Variants in NAA40 observed in about 807,000 individuals in gnomAD.
The protein encoded by NAA40 is N-alpha-acetyltransferase 40, NatD catalytic subunit, also known as N-alpha-acetyltransferase 40.
In NAA40, 26 loss-of-function variants were observed where a neutral mutation model predicts 36.6. That is an observed-to-expected ratio of 0.71 (90% CI 0.52 to 0.98). NAA40 has a LOEUF of 0.98. Among genes scored for constraint, NAA40 ranks in the 50% least tolerant of loss-of-function variants. The pLI, the probability that NAA40 is intolerant of heterozygous loss-of-function variation, is 0.00. For missense variants in NAA40, 237 were observed against 306.5 expected, an observed-to-expected ratio of 0.77 and a Z score of 1.69; for synonymous variants, 129 against 108.4, an observed-to-expected ratio of 1.19 and a Z score of -1.18.
intron 3 of NAA40, among the ~76,000 whole-genome samples, chr11:63,947,264 T>G (rs565249687): frequency 6.6e-6 from 1 of 151,934 alleles, no homozygotes; most frequent in Non-Finnish European, 1.5e-5. Context: ...AAAAATTAGC[T>G]GGCACGGTGG....
At chr11:63,950,122 G>GT (rs10708670) in intron 3 of NAA40, among the ~76,000 whole-genome samples, 19,831 of 129,148 alleles carry the variant, frequency 0.15, 3,471 homozygotes, top group African/African-American at 0.43. Context: ...GGTTTTTTTT[G>GT]TTTTTTTTTT....
In NAA40 at chr11:63,957,104, A is replaced by AT. The variant is rs1401682930; in HGVS notation, c.*2630dup. The AT allele has an allele frequency of 1.3e-5, 2 of 149,878 alleles. No individual in the cohort carries two copies. Among genetic ancestry groups the AT allele is most frequent in the African/African-American group, 2.5e-5 (1 of 40,606 alleles). The allele number at this position is 149,878 out of a possible 1,614,324, so 9.3% of individuals were successfully genotyped here. On this transcript the variant is annotated 3_prime_UTR_variant, in exon 8 of 8. Transcript: ENST00000377793. The stretch of plus-strand genomic sequence containing the variant: ...AGTTATATCCACCCTATTTCAGGTT[A>AT]TTTTTGTTGGTGTCAAGTATGTATA...
At chr11:63,943,560 C>CAGA (rs1942140501) in intron 1 of NAA40, among the ~76,000 whole-genome samples, 1 of 152,184 alleles carries the variant, frequency 6.6e-6, no homozygotes, top group Non-Finnish European at 1.5e-5. Context: ...TTGAGTCTCC[C>CAGA]CTCTGCCCTT....
chr11:63,954,355 C>T lies in NAA40; in HGVS notation c.590C>T (p.Ser197Phe). 6.3e-7 allele frequency: 1 copy of T among 1,598,896 alleles called. No homozygotes were observed. Among genetic ancestry groups the T allele is most frequent in the Non-Finnish European group, 8.5e-7 (1 of 1,173,568 alleles). ...REALQFEIDD[S>F]SPSMSGCCGE... ...CCTTGCAGATTTGAAATTGATGACT[C>T]TTCCCCCAGCATGTCCGGTTGCTGT... is the stretch of plus-strand genomic sequence containing the variant. The change falls in exon 8 of 8, where the codon TCT becomes TTT. Residue 197 changes from serine to phenylalanine, a missense_variant. Ser to Phe is a radical substitution (Grantham distance 155). Coordinates refer to ENST00000377793, the MANE Select transcript of NAA40 (RefSeq NM_024771.4).
At chr11:63,944,917 A>AG (rs1942162073) in intron 1 of NAA40, among the ~76,000 whole-genome samples, 1 of 151,078 alleles carries the variant, frequency 6.6e-6, no homozygotes, top group Non-Finnish European at 1.5e-5. Flanking sequence ...AAAAAAAAAA[A>AG]AGAAGAGAAA....
At position 63,956,691 on chromosome 11, in the gene NAA40, A is replaced by G. The variant is rs1360302551; in HGVS notation, c.*2212A>G. ...GTCTTGGTTTTGAGAAACAGCAGGC[A>G]TGGCTGAGTGCGGTGGCTTACACCT... On this transcript the variant is annotated 3_prime_UTR_variant, in exon 8 of 8. Transcript: ENST00000377793. The G allele has an allele frequency of 6.5e-6, 1 of 152,678 alleles. No homozygotes were observed. Among genetic ancestry groups the G allele is most frequent in the Non-Finnish European group, 1.5e-5 (1 of 68,118 alleles). The allele number at this position is 152,678 out of a possible 1,614,324, so 9.5% of individuals were successfully genotyped here.
Position 63,954,465 on chromosome 11 carries a change from G to C in NAA40, c.700G>C (p.Gly234Arg). ...HHSHAGGHCG[G>R]CCH ...CTCCCACGCGGGTGGGCACTGTGGT[G>C]GCTGCTGCCACTGAACTCTCAGAGC... Residue 234 changes from glycine (G) to arginine (R), a missense_variant, in exon 8 of 8, where the codon GGC becomes CGC. Physicochemically the swap from Gly to Arg is moderately radical, Grantham distance 125. Coordinates refer to ENST00000377793, the MANE Select transcript of NAA40 (RefSeq NM_024771.4). 1 of 1,599,886 alleles carries C rather than the reference G, an allele frequency of 6.3e-7. No individual in the cohort carries two copies. The highest frequency in any genetic ancestry group is 8.5e-7 in the Non-Finnish European group (1 of 1,174,474).
chr11:63,939,558 C>T (rs940948139), intron 1 of NAA40: 2 of 933,796 alleles, frequency 2.1e-6, no homozygotes, highest in African/African-American at 3.6e-5. Context: ...GGGCGTCAGA[C>T]CCCACCTTGG....
rs1401679962 is a variant in NAA40 at position 63,957,011 on chromosome 11, C to T, written c.*2532C>T. ...AGAGAAACATAGCAGGCCTTTTTTACCAGGCTTTTTGTGTTTTGTTTGTTT... is the reference window on the plus strand; with the variant it reads ...AGAGAAACATAGCAGGCCTTTTTTATCAGGCTTTTTGTGTTTTGTTTGTTT... On this transcript the variant is annotated 3_prime_UTR_variant, in exon 8 of 8. Transcript: ENST00000377793. The T allele has an allele frequency of 6.6e-6, 1 of 151,194 alleles. No individual in the cohort carries two copies. The highest frequency in any genetic ancestry group is 1.5e-5 in the Non-Finnish European group (1 of 67,854). 9.4% of individuals were successfully genotyped at this position (151,194 alleles called of 1,614,324 possible).
At chr11:63,951,702 C>T (rs1410431425) in intron 3 of NAA40, among the ~76,000 whole-genome samples, 1 of 152,094 alleles carries the variant, frequency 6.6e-6, no homozygotes, top group Non-Finnish European at 1.5e-5. Context: ...AGGCAGGACT[C>T]CTGGGGCGGG....
chr11:63,939,126 T>C, intron 1 of NAA40, 24 bp downstream of exon 1: 1 of 1,603,214 alleles, frequency 6.2e-7, no homozygotes, highest in Non-Finnish European at 8.5e-7. Context: ...AGAGAGGAGA[T>C]GGGAGGTCCA....
Position 63,953,878 on chromosome 11 carries a change from C to T in NAA40, c.495-94C>T, listed in dbSNP as rs1942319772. ...CTCCTGGGCTCAAATGATCCTCCCA[C>T]CTTTGCCCCTCAAAGTGCTGGGATT... is the stretch of plus-strand genomic sequence containing the variant. On this transcript the variant is annotated intron_variant, in intron 6 of 7. Transcript: ENST00000377793. The T allele has an allele frequency of 2.8e-6, 3 of 1,061,934 alleles. No homozygotes were observed. The Admixed American group carries it at 5.4e-5, about 19-fold the overall frequency. 65.8% of individuals were successfully genotyped at this position (1,061,934 alleles called of 1,614,324 possible). A position where few individuals can be genotyped will look rare whatever the true frequency, so the allele number is the denominator to read the frequency against.
intron 2 of NAA40, chr11:63,946,727 G>T: frequency 6.6e-7 from 1 of 1,523,888 alleles, no homozygotes. Context: ...CCTGTCAGGT[G>T]ATGCCAAACT....
rs1046056459 is a variant in NAA40, at chr11:63,956,043, T to C, written c.*1564T>C. ...CTTGCTTCTCACCTGGATTCCTGCT[T>C]GTGCAGGAGCCTGTGTACACAGGGC... On this transcript the variant is annotated 3_prime_UTR_variant, in exon 8 of 8. Coordinates refer to ENST00000377793, the MANE Select transcript of NAA40 (RefSeq NM_024771.4). 6.5e-6 allele frequency: 1 copy of C among 152,722 alleles called. No homozygotes were observed. The highest frequency in any genetic ancestry group is 2.4e-5 in the African/African-American group (1 of 41,450). 9.5% of individuals were successfully genotyped at this position (152,722 alleles called of 1,614,324 possible).
At chr11:63,949,969 C>T (rs1290492082) in intron 3 of NAA40, among the ~76,000 whole-genome samples, 2 of 151,886 alleles carry the variant, frequency 1.3e-5, no homozygotes, top group African/African-American at 2.4e-5. Flanking sequence ...TGGTCTCGAT[C>T]TCCTGACCTT....
intron 7 of NAA40, 48 bp from the exon 8 acceptor site, chr11:63,954,290 G>C: frequency 6.5e-7 from 1 of 1,543,622 alleles, no homozygotes; most frequent in South Asian, 1.3e-5. Context: ...CAGGGAGGAA[G>C]GCACTCAGCT....
chr11:63,954,416 G>A lies in NAA40; in HGVS notation c.651G>A (p.Arg217=), dbSNP rs764243863. 6 of 1,612,894 alleles carry A rather than the reference G, an allele frequency of 3.7e-6. No homozygotes were observed. The South Asian group carries it at 5.5e-5, about 15-fold the overall frequency. ...EDCSYEILSR[R]TKFGDSHHSH... is the part of the protein sequence containing the mutation. The stretch of plus-strand genomic sequence containing the variant: ...GCTCCTATGAGATCCTGAGCCGGAG[G>A]ACCAAGTTTGGGGACAGCCATCACT... Residue 217 remains arginine, a synonymous_variant, in exon 8 of 8, where the codon AGG becomes AGA. Coordinates refer to ENST00000377793, the MANE Select transcript of NAA40 (RefSeq NM_024771.4).
chr11:63,939,147 T>C, intron 1 of NAA40, 45 bp downstream of exon 1: 1 of 1,567,184 alleles, frequency 6.4e-7, no homozygotes, highest in Non-Finnish European at 8.6e-7. Context: ...GGGGCGCTCC[T>C]CGCTACCCTC....
At chr11:63,945,972 G>A in intron 2 of NAA40, 37 bp downstream of exon 2, 7 of 1,576,526 alleles carry the variant, frequency 4.4e-6, no homozygotes, top group Non-Finnish European at 6.1e-6. Context: ...TGCCTCCTGG[G>A]ACTTCAGCTT....
Sources: gnomAD v4.1 joint callset for allele counts (sites outside exome capture counted in the v4.1 genomes callset) on GRCh38, gnomAD v4.1.1 for gene constraint, MANE v1.5 for transcripts, NCBI Gene and HGNC (gene_info 2026-07-23, HGNC 2026-07-21) for gene names.